SPTAN1: variants seen among roughly 807,000 people sequenced by gnomAD.
The protein encoded by SPTAN1 is spectrin alpha, non-erythrocytic 1, also known as spectrin alpha chain, non-erythrocytic 1.
In SPTAN1, 61 loss-of-function variants were observed where a neutral mutation model predicts 331.3. The ratio of observed to expected loss-of-function variants is 0.18; its 90% confidence interval spans 0.15 to 0.23. The LOEUF (loss-of-function observed/expected upper bound fraction) is 0.23. Ranked by LOEUF, SPTAN1 falls within the 10% of genes least tolerant of loss-of-function variation. The pLI is 1.00. For synonymous variants in SPTAN1, 1,153 were observed against 1,173.9 expected (o/e 0.98, Z 0.36); for missense variants, 2,043 against 3,147.9 (o/e 0.65, Z 8.40).
In SPTAN1 at chr9:128,574,830, G is replaced by A; in HGVS notation, c.504+15G>A. On this transcript the variant is annotated intron_variant, in intron 4 of 56. Transcript: ENST00000372739. ...TCAATGACAAGGCACGTTTTGGGAA[G>A]AAGGGTTTGCTAAGCTTTACTCAAA... 1 of 1,613,960 alleles carries A rather than the reference G, an allele frequency of 6.2e-7. No homozygotes were observed. Among genetic ancestry groups the A allele is most frequent in the Non-Finnish European group, 8.5e-7 (1 of 1,179,854 alleles).
chr9:128,562,739 C>T (rs1046271041), intron 1 of SPTAN1, among the ~76,000 whole-genome samples: 3 of 151,644 alleles, frequency 2.0e-5, no homozygotes, highest in African/African-American at 7.3e-5. Context: ...CCAAGGTGGG[C>T]GGATCACGAG....
chr9:128,583,712 A>T, intron 15 of SPTAN1, 76 bp from the exon 16 acceptor site: 2 of 1,485,290 alleles, frequency 1.3e-6, no homozygotes, highest in Non-Finnish European at 1.9e-6. Flanking sequence ...CTTCACTAAG[A>T]TACTACTGTT....
rs1231008962 is a variant in SPTAN1, at chr9:128,573,591, G to A, written c.364-1084G>A. Among the ~76,000 whole-genome samples the A allele has an allele frequency of 2.0e-5, 3 of 152,162 alleles. No homozygotes were observed. In the East Asian group the frequency reaches 5.8e-4, roughly 29 times the overall value. On this transcript the variant is annotated intron_variant, in intron 3 of 56. Transcript: ENST00000372739. ...CCTGCCTCAGCCTCCCGAGTAGCTG[G>A]GATTACAGGTGTGTGCCACCATGCC...
intron 10 of SPTAN1, 61 bp downstream of exon 10, chr9:128,579,799 A>C: frequency 7.5e-7 from 1 of 1,328,438 alleles, no homozygotes; most frequent in Non-Finnish European, 1.1e-6. Context: ...AGTCTCTGAA[A>C]GCTATTATTC....
chr9:128,583,313 A>G (rs766960383), intron 15 of SPTAN1, 32 bp downstream of exon 15: 43 of 1,604,930 alleles, frequency 2.7e-5, no homozygotes, highest in South Asian at 1.7e-4. Context: ...TGTGACATGC[A>G]TGTTTGGGGA....
chr9:128,584,893 C>T, intron 18 of SPTAN1, 50 bp downstream of exon 18: 1 of 1,613,040 alleles, frequency 6.2e-7, no homozygotes, highest in Non-Finnish European at 8.5e-7. Context: ...CTCGTGTCTC[C>T]CCTTCTTGCC....
chr9:128,628,290 G>C, intron 51 of SPTAN1: 2 of 431,408 alleles, frequency 4.6e-6, no homozygotes, highest in Middle Eastern at 6.6e-4. Context: ...GCTCTGTTGG[G>C]CTCTCACCTC....
At chr9:128,563,000 A>G (rs1389688383) in intron 1 of SPTAN1, among the ~76,000 whole-genome samples, 1 of 16,394 alleles carries the variant, frequency 6.1e-5, no homozygotes, top group African/African-American at 1.2e-4. Context: ...GTGTATATAT[A>G]TATATATATA....
At chr9:128,631,640 A>G (rs1859746215) in intron 52 of SPTAN1, 1 of 184,034 alleles carries the variant, frequency 5.4e-6, no homozygotes, top group African/African-American at 2.4e-5. Flanking sequence ...AGCCTGGTCA[A>G]TGCAGTGAAA....
At chr9:128,633,091 A>C in intron 56 of SPTAN1, 118 bp from the exon 57 acceptor site, 1 of 1,594,444 alleles carries the variant, frequency 6.3e-7, no homozygotes, top group Non-Finnish European at 8.5e-7. Context: ...GTATGGACAG[A>C]AGTCCCGGAT....
intron 19 of SPTAN1, 97 bp downstream of exon 19, chr9:128,586,062 G>T: frequency 1.1e-6 from 1 of 944,712 alleles, no homozygotes; most frequent in Admixed American, 2.0e-5. Flanking sequence ...CGGGAGGTGT[G>T]CATTACAGTG....
At chr9:128,581,977 G>C in intron 12 of SPTAN1, 85 bp downstream of exon 12, 1 of 1,040,900 alleles carries the variant, frequency 9.6e-7, no homozygotes, top group Non-Finnish European at 1.5e-6. Context: ...AAACAGATTT[G>C]ATGAAAGATT....
Position 128,558,094 on chromosome 9 carries a change from C to T in SPTAN1, c.-4+5398C>T, listed in dbSNP as rs149490642. The stretch of plus-strand genomic sequence containing the variant: ...CTGGGATTACAGGCGTGAGCCACCG[C>T]GCCCAGCTGTATATTAGAAATTTCT... On this transcript the variant is annotated intron_variant, in intron 1 of 56. Coordinates refer to ENST00000372739, the MANE Select transcript of SPTAN1 (RefSeq NM_001130438.3). Among the ~76,000 whole-genome samples, 754 of 152,282 alleles carry T rather than the reference C, an allele frequency of 5.0e-3. 4 individuals are homozygous for T. The highest frequency in any genetic ancestry group is 0.017 in the African/African-American group (705 of 41,554).
rs769505700 is a variant in SPTAN1, at chr9:128,630,423, AC to A, written c.6762+54del. On this transcript the variant is annotated intron_variant, in intron 52 of 56. Transcript: ENST00000372739. Reference sequence around the variant, plus strand: ...CCCAGCAGAGACCCTTCACCCAGCCACCCCCCAGGGTACCCCTTCCCTTCCT... The same window carrying A: ...CCCAGCAGAGACCCTTCACCCAGCCACCCCCAGGGTACCCCTTCCCTTCCT... 2.3e-4 allele frequency: 360 copies of A among 1,595,268 alleles called. 3 individuals carry two copies. In the African/African-American group the frequency reaches 4.4e-3, roughly 20 times the overall value.
chr9:128,604,569 TAAGTG>T, intron 29 of SPTAN1, 152 bp downstream of exon 29: 2 of 725,900 alleles, frequency 2.8e-6, no homozygotes, highest in Non-Finnish European at 4.5e-6. Context: ...TAAATCCTGC[TAAGTG>T]AATTATTTGG....
intron 3 of SPTAN1, 125 bp downstream of exon 3, chr9:128,569,022 G>C (rs1311290295): frequency 7.4e-7 from 1 of 1,355,708 alleles, no homozygotes; most frequent in Non-Finnish European, 1.0e-6. Context: ...AATTTATGAA[G>C]TCTCCTTAAG....
intron 22 of SPTAN1, among the ~76,000 whole-genome samples, chr9:128,592,276 T>C (rs1853635778): frequency 1.7e-5 from 1 of 59,110 alleles, no homozygotes; most frequent in Admixed American, 3.3e-4. Flanking sequence ...TGGTTTGTGT[T>C]CTTTTTTTTT....
chr9:128,621,078 T>C, intron 44 of SPTAN1, 80 bp from the exon 45 acceptor site: 1 of 1,208,982 alleles, frequency 8.3e-7, no homozygotes. Context: ...CATAGCAGTT[T>C]TGTCACTCTC....
chr9:128,610,119 G>A (rs1452926255), intron 37 of SPTAN1, among the ~76,000 whole-genome samples: 2 of 152,224 alleles, frequency 1.3e-5, no homozygotes, highest in African/African-American at 4.8e-5. Flanking sequence ...AGAGGTGCCA[G>A]TCAGGAGAGG....
Sources: allele counts gnomAD v4.1 joint callset (sites outside exome capture counted in the v4.1 genomes callset), GRCh38; gene constraint gnomAD v4.1.1; transcripts MANE v1.5; gene names NCBI Gene and HGNC (gene_info 2026-07-23, HGNC 2026-07-21).